Variants in PRICKLE2 observed in about 807,000 individuals in gnomAD.
PRICKLE2 encodes prickle planar cell polarity protein 2, also known as prickle-like protein 2.
In PRICKLE2, 21 loss-of-function variants were observed where a neutral mutation model predicts 81.4. That is an observed-to-expected ratio of 0.26 (90% CI 0.18 to 0.37). PRICKLE2 has a LOEUF of 0.37. Among genes scored for constraint, PRICKLE2 ranks in the 10% least tolerant of loss-of-function variants. The pLI is 1.00. For missense variants in PRICKLE2, 940 were observed against 1,109.0 expected, an observed-to-expected ratio of 0.85 and a Z score of 2.16; for synonymous variants, 456 against 421.5, an observed-to-expected ratio of 1.08 and a Z score of -1.00.
At chr3:64,200,292 G>GT (rs1212674699) in intron 1 of PRICKLE2, 1 of 152,186 alleles carries the variant, frequency 6.6e-6, no homozygotes, top group African/African-American at 2.4e-5. Context: ...GTTATAGCAT[G>GT]TATCAATCCT....
chr3:64,099,588 A>C lies in PRICKLE2; in HGVS notation c.1998T>G (p.Ser666Arg). The C allele has an allele frequency of 6.2e-7, 1 of 1,613,510 alleles. No individual in the cohort carries two copies. The highest frequency in any genetic ancestry group is 8.5e-7 in the Non-Finnish European group (1 of 1,179,800). The change falls in exon 8 of 8, where the codon AGT (serine) becomes AGG (arginine). Residue 666 changes from serine to arginine, a missense_variant. Physicochemically the swap from Ser to Arg is moderately radical, Grantham distance 110. Transcript: ENST00000638394. This position sits in a 1 kb window ranked among gnomAD's most constrained non-coding sequence, Gnocchi z 4.3. ...GQEGVRIQPMSERTRRRATSR... is the reference protein window; with the variant it reads ...GQEGVRIQPMRERTRRRATSR... ...AAGTAGCTCTTCTCCGGGTGCGTTC[A>C]CTCATGGGCTGGATCCTCACGCCCT...
At chr3:64,114,788 T>C (rs1325862818) in intron 7 of PRICKLE2, among the ~76,000 whole-genome samples, 1 of 152,176 alleles carries the variant, frequency 6.6e-6, no homozygotes, top group African/African-American at 2.4e-5. Flanking sequence ...GGAACCAACT[T>C]AGTAAACATA....
At chr3:64,222,962 C>G (rs2078978772) in intron 1 of PRICKLE2, among the ~76,000 whole-genome samples, 1 of 152,152 alleles carries the variant, frequency 6.6e-6, no homozygotes, top group South Asian at 2.1e-4. Flanking sequence ...ATTATACCAG[C>G]TGGTCACTTT....
chr3:64,152,273 C>T (rs1180321451), intron 6 of PRICKLE2, among the ~76,000 whole-genome samples: 1 of 152,150 alleles, frequency 6.6e-6, no homozygotes, highest in Non-Finnish European at 1.5e-5. Context: ...GCACAAGCCA[C>T]TGGATGATCT....
chr3:64,240,698 C>T (rs1280140392), intron 2 of PRICKLE2, among the ~76,000 whole-genome samples: 2 of 152,180 alleles, frequency 1.3e-5, no homozygotes, highest in Non-Finnish European at 2.9e-5. Flanking sequence ...CCTGGACCAG[C>T]AGCCTCAGTA....
intron 6 of PRICKLE2, among the ~76,000 whole-genome samples, chr3:64,152,427 A>G (rs2077562547): frequency 6.6e-6 from 1 of 152,210 alleles, no homozygotes; most frequent in South Asian, 2.1e-4. Context: ...GGGTTGAACA[A>G]ATTGGGTATT....
upstream of PRICKLE2, among the ~76,000 whole-genome samples, chr3:64,229,479 G>A (rs192182245): frequency 3.2e-4 from 48 of 152,258 alleles, no homozygotes; most frequent in East Asian, 7.9e-3. Context: ...GACCTAAAGA[G>A]GGTCCTAAAT....
At chr3:64,109,243 A>G (rs1481172515) in intron 7 of PRICKLE2, among the ~76,000 whole-genome samples, 1 of 152,102 alleles carries the variant, frequency 6.6e-6, no homozygotes, top group African/African-American at 2.4e-5. Flanking sequence ...GGGGAACTCT[A>G]AAAGTTATTT....
chr3:64,153,173 T>A lies in PRICKLE2; in HGVS notation c.787+9A>T. On this transcript the variant is annotated intron_variant, in intron 6 of 7. Coordinates refer to ENST00000638394, the MANE Select transcript of PRICKLE2 (RefSeq NM_198859.4). ...GAAGGACCAAGCTGACTGCCAAATA[T>A]TGCCTCACCTATATGTTGGGCACAG... 1 of 1,613,882 alleles carries A rather than the reference T, an allele frequency of 6.2e-7. No homozygotes were observed. The highest frequency in any genetic ancestry group is 1.3e-5 in the African/African-American group (1 of 75,026).
Position 64,157,183 on chromosome 3 carries a change from C to A in PRICKLE2, c.579G>T (p.Pro193=). 1 of 1,613,896 alleles carries A rather than the reference C, an allele frequency of 6.2e-7. No homozygotes were observed. Among genetic ancestry groups the A allele is most frequent in the Non-Finnish European group, 8.5e-7 (1 of 1,179,886 alleles). The change falls in exon 5 of 8, where the codon CCG becomes CCT. Residue 193 remains proline, a synonymous_variant. Transcript: ENST00000638394. ...CGRHHAECLK[P]RCAACDEIIF... Reference sequence around the variant, plus strand: ...TAACCTCATCGCAGGCAGCACAGCGCGGCTTCAGGCACTCAGCATGGTGCC... The same window carrying A: ...TAACCTCATCGCAGGCAGCACAGCGAGGCTTCAGGCACTCAGCATGGTGCC...
At chr3:64,234,356 T>C (rs1475495118) in intron 2 of PRICKLE2, among the ~76,000 whole-genome samples, 2 of 152,204 alleles carry the variant, frequency 1.3e-5, no homozygotes, top group African/African-American at 4.8e-5. Context: ...GTCATCCTAG[T>C]GGGTATGAAG....
intron 7 of PRICKLE2, among the ~76,000 whole-genome samples, chr3:64,121,440 C>G (rs1287018297): frequency 6.6e-6 from 1 of 151,652 alleles, no homozygotes; most frequent in Non-Finnish European, 1.5e-5. Context: ...AGTGGTTTAC[C>G]AACATTGATT....
At position 64,095,230 on chromosome 3, in the gene PRICKLE2, C is replaced by G. The variant is rs1379580212; in HGVS notation, c.*3821G>C. ...TTTGTCCTTTAGCCTAAGAAGTCAG[C>G]TTCCTCGAGCCTCCACAACCTGGGA... On this transcript the variant is annotated 3_prime_UTR_variant, in exon 8 of 8. Coordinates refer to ENST00000638394, the MANE Select transcript of PRICKLE2 (RefSeq NM_198859.4). 1 of 152,112 alleles carries G rather than the reference C, an allele frequency of 6.6e-6. No individual in the cohort carries two copies. The highest frequency in any genetic ancestry group is 6.6e-5 in the Admixed American group (1 of 15,264). The allele number at this position is 152,112 out of a possible 1,614,324, so 9.4% of individuals were successfully genotyped here. A position where few individuals can be genotyped will look rare whatever the true frequency, so the allele number is the denominator to read the frequency against.
rs1445221019 is a variant in PRICKLE2 at position 64,213,385 on chromosome 3, T to G, written c.-41+11525A>C. On this transcript the variant is annotated intron_variant, in intron 1 of 7. Coordinates refer to ENST00000638394, the MANE Select transcript of PRICKLE2 (RefSeq NM_198859.4). ...TGAGCCACCGTGCCCGGCCATGACT[T>G]TCTTTTCATACCAAGTTGCAATAAG... Among the ~76,000 whole-genome samples the G allele has an allele frequency of 2.6e-5, 4 of 152,192 alleles. No homozygotes were observed. The East Asian group carries it at 7.7e-4, about 29-fold the overall frequency.
intron 5 of PRICKLE2, chr3:64,154,902 G>A (rs1177720037): frequency 6.6e-6 from 1 of 151,984 alleles, no homozygotes; most frequent in Admixed American, 6.6e-5. Flanking sequence ...TAATCCCAGT[G>A]CTTTGAGAGG....
At chr3:64,222,596 G>A (rs906598054) in intron 1 of PRICKLE2, among the ~76,000 whole-genome samples, 5 of 152,166 alleles carry the variant, frequency 3.3e-5, no homozygotes, top group Non-Finnish European at 5.9e-5. Flanking sequence ...CTGGGCCATG[G>A]TAGGCAGGCA....
At chr3:64,216,199 TACA>T (rs1472240669) in intron 1 of PRICKLE2, among the ~76,000 whole-genome samples, 1 of 152,252 alleles carries the variant, frequency 6.6e-6, no homozygotes, top group Non-Finnish European at 1.5e-5. Flanking sequence ...TGGATGAGTT[TACA>T]ACAACCTACC....
intron 2 of PRICKLE2, 130 bp downstream of exon 2, chr3:64,198,653 TC>T: frequency 9.9e-7 from 1 of 1,014,898 alleles, no homozygotes; most frequent in Non-Finnish European, 1.5e-6. Context: ...CCTGGCATCT[TC>T]AACATATTTA....
chr3:64,154,020 T>A (rs1180733991), intron 5 of PRICKLE2: 2 of 154,448 alleles, frequency 1.3e-5, no homozygotes, highest in Non-Finnish European at 2.9e-5. Flanking sequence ...AAATTTACTA[T>A]AAAGCTACAG....
Sources: allele counts gnomAD v4.1 joint callset (sites outside exome capture counted in the v4.1 genomes callset), GRCh38; gene constraint gnomAD v4.1.1; non-coding constraint Gnocchi (gnomAD v3.1); transcripts MANE v1.5; gene names NCBI Gene and HGNC (gene_info 2026-07-23, HGNC 2026-07-21).